The following SYNE3 variants were observed in gnomAD, a reference collection of about 807,000 sequenced individuals.
The protein encoded by SYNE3 is spectrin repeat containing nuclear envelope family member 3, also known as nesprin-3.
In SYNE3, 100 loss-of-function variants were observed where a neutral mutation model predicts 111.2. The ratio of observed to expected loss-of-function variants is 0.90; its 90% CI spans 0.77 to 1.06. The LOEUF is 1.06. SYNE3 is among the 50% of genes least tolerant of loss of function. The probability of loss-of-function intolerance (pLI) is 0.00; values close to 1 mark genes in which losing one functional copy is unlikely to be tolerated. For synonymous variants in SYNE3, 547 were observed against 533.9 expected, an observed-to-expected ratio of 1.02 and a Z score of -0.34; for missense variants, 1,160 against 1,240.3, an observed-to-expected ratio of 0.94 and a Z score of 0.97.
intron 16 of SYNE3, among the ~76,000 whole-genome samples, chr14:95,432,335 G>T (rs778885844): frequency 6.6e-6 from 1 of 152,314 alleles, no homozygotes; most frequent in East Asian, 1.9e-4. Context: ...TGGAAAGGCC[G>T]TGGCCAAGGC....
At position 95,465,895 on chromosome 14, in the gene SYNE3, T is replaced by C. The variant is rs763874846; in HGVS notation, c.627+36A>G. On this transcript the variant is annotated intron_variant, in intron 4 of 17. Coordinates refer to ENST00000682763, the MANE Select transcript of SYNE3 (RefSeq NM_152592.6). ...AGATAAGGGTGGATACATGGATGGG[T>C]GGGTGAGGATGTAGCCCACTCAGCC... 4.6e-6 allele frequency: 7 copies of C among 1,530,698 alleles called. 1 individual carries two copies. In the South Asian group the frequency reaches 8.8e-5, roughly 19 times the overall value. 94.8% of individuals were successfully genotyped at this position (1,530,698 alleles called of 1,614,324 possible).
At chr14:95,435,490 A>G (rs1376008893) in intron 15 of SYNE3, among the ~76,000 whole-genome samples, 1 of 152,200 alleles carries the variant, frequency 6.6e-6, no homozygotes, top group African/African-American at 2.4e-5. Flanking sequence ...ACACAGTGAG[A>G]AGTAGTTACA....
intron 16 of SYNE3, among the ~76,000 whole-genome samples, chr14:95,432,885 T>C (rs1010824649): frequency 6.6e-6 from 1 of 152,056 alleles, no homozygotes; most frequent in Non-Finnish European, 1.5e-5. Flanking sequence ...TTTTCACTGC[T>C]TGGAGTCTCA....
At chr14:95,508,901 T>G (rs1208046234) in intron 1 of SYNE3, among the ~76,000 whole-genome samples, 1 of 152,260 alleles carries the variant, frequency 6.6e-6, no homozygotes, top group African/African-American at 2.4e-5. Context: ...TTTTTTCCTG[T>G]GTCCTGGAAA....
chr14:95,475,875 G>A, intron 1 of SYNE3, 40 bp from the exon 2 acceptor site: 6 of 1,402,216 alleles, frequency 4.3e-6, no homozygotes, highest in Non-Finnish European at 5.6e-6. Context: ...AGGCAGGAAT[G>A]TAGGGGGCTG....
intron 1 of SYNE3, among the ~76,000 whole-genome samples, chr14:95,484,254 C>A (rs1376125928): frequency 6.6e-6 from 1 of 152,102 alleles, no homozygotes; most frequent in African/African-American, 2.4e-5. Flanking sequence ...AAAGAGGTCC[C>A]CAGCCGTGGT....
At chr14:95,495,929 C>G (rs945883234) in intron 1 of SYNE3, among the ~76,000 whole-genome samples, 2 of 152,194 alleles carry the variant, frequency 1.3e-5, no homozygotes, top group Admixed American at 1.3e-4. Context: ...GCCTGCGAAG[C>G]CTTCCCCAGT....
chr14:95,498,121 A>C (rs1180383259), intron 1 of SYNE3, among the ~76,000 whole-genome samples: 2 of 152,088 alleles, frequency 1.3e-5, no homozygotes, highest in Admixed American at 6.5e-5. Flanking sequence ...TGGTATTAAC[A>C]ATTTTTTTTA....
chr14:95,489,027 G>C (rs74080379), intron 1 of SYNE3, among the ~76,000 whole-genome samples: 1 of 152,134 alleles, frequency 6.6e-6, no homozygotes, highest in African/African-American at 2.4e-5. Flanking sequence ...GCTGAGCACC[G>C]GGCCTGCTGG....
chr14:95,468,302 C>T (rs763956834), intron 2 of SYNE3, among the ~76,000 whole-genome samples: 2 of 152,366 alleles, frequency 1.3e-5, no homozygotes, highest in Admixed American at 1.3e-4. Context: ...AAGTATTAAT[C>T]GTATCTATCT....
rs577084609 is a variant in SYNE3 at position 95,462,247 on chromosome 14, G to C, written c.627+3684C>G. 1.7e-3 allele frequency among the ~76,000 whole-genome samples: 263 copies of C among 152,276 alleles called. 1 individual carries two copies. Among genetic ancestry groups the C allele is most frequent in the African/African-American group, 6.0e-3 (249 of 41,562 alleles). On this transcript the variant is annotated intron_variant, in intron 4 of 17. Coordinates refer to ENST00000682763, the MANE Select transcript of SYNE3 (RefSeq NM_152592.6). ...TACCCCTCAGTTCTCCCCATGGCCA[G>C]CTTCTAGAGAGACAGGAAACACCTC...
In SYNE3 at chr14:95,464,836, G is replaced by A. The variant is rs541240981; in HGVS notation, c.627+1095C>T. On this transcript the variant is annotated intron_variant, in intron 4 of 17. Transcript: ENST00000682763. Reference sequence around the variant, plus strand: ...GTCAGGGGACACATAGGTGCCTGACGTGGAACTTCAGCCTTAGACCTGGAA... The same window carrying A: ...GTCAGGGGACACATAGGTGCCTGACATGGAACTTCAGCCTTAGACCTGGAA... Among the ~76,000 whole-genome samples, 10 of 152,348 alleles carry A rather than the reference G, an allele frequency of 6.6e-5. No homozygotes were observed. In the South Asian group the frequency reaches 2.1e-3, roughly 32 times the overall value.
At chr14:95,473,526 C>CA (rs1001770046) in intron 2 of SYNE3, among the ~76,000 whole-genome samples, 5 of 151,986 alleles carry the variant, frequency 3.3e-5, no homozygotes, top group Non-Finnish European at 7.4e-5. Flanking sequence ...CAGACCCACA[C>CA]AAAAAAGCAT....
chr14:95,495,552 G>T (rs952975535), intron 1 of SYNE3, among the ~76,000 whole-genome samples: 1 of 152,204 alleles, frequency 6.6e-6, no homozygotes, highest in Non-Finnish European at 1.5e-5. Context: ...CACCATGAAG[G>T]CCCCCATCAA....
intron 2 of SYNE3, among the ~76,000 whole-genome samples, chr14:95,469,570 A>T (rs1459027991): frequency 6.7e-6 from 1 of 149,444 alleles, no homozygotes; most frequent in Non-Finnish European, 1.5e-5. Context: ...AATTAGCCGG[A>T]TGTAGTGGCA....
chr14:95,444,881 C>T (rs769603320), intron 9 of SYNE3, among the ~76,000 whole-genome samples: 10 of 152,176 alleles, frequency 6.6e-5, no homozygotes, highest in East Asian at 1.9e-4. Context: ...CTCCACCCAC[C>T]GACCAAATCC....
intron 1 of SYNE3, among the ~76,000 whole-genome samples, chr14:95,478,103 C>G (rs1888999272): frequency 6.6e-6 from 1 of 152,032 alleles, no homozygotes; most frequent in African/African-American, 2.4e-5. Flanking sequence ...ACCCAGGGAC[C>G]CGGTGGGGTT....
chr14:95,423,812 G>C (rs1411301079), intron 17 of SYNE3, among the ~76,000 whole-genome samples: 2 of 128,582 alleles, frequency 1.6e-5, no homozygotes, highest in African/African-American at 5.9e-5. Context: ...ATGGGGATGA[G>C]GATTTGGTAG....
rs752679584 is a variant in SYNE3 at position 95,455,787 on chromosome 14, T to C, written c.790-63A>G. The C allele has an allele frequency of 5.2e-6, 8 of 1,537,888 alleles. No individual in the cohort carries two copies. In the East Asian group the frequency reaches 1.8e-4, roughly 35 times the overall value. On this transcript the variant is annotated intron_variant, in intron 5 of 17. Coordinates refer to ENST00000682763, the MANE Select transcript of SYNE3 (RefSeq NM_152592.6). ...GAAAAAGAATACAGTTGCTGCATTT[T>C]CCAGAGCAGACCTGGGACTGCCCTG...
Sources: allele counts gnomAD v4.1 joint callset (sites outside exome capture counted in the v4.1 genomes callset), GRCh38; gene constraint gnomAD v4.1.1; transcripts MANE v1.5; gene names NCBI Gene and HGNC (gene_info 2026-07-23, HGNC 2026-07-21).